PRKDC: variants seen among roughly 807,000 people sequenced by gnomAD.
PRKDC encodes the protein protein kinase, DNA-activated, catalytic subunit, also known as DNA-dependent protein kinase catalytic subunit.
PRKDC carries 82 observed loss-of-function variants against 486.9 expected under a neutral mutation model. That is an observed-to-expected ratio of 0.17 (90% CI 0.14 to 0.20). PRKDC has a LOEUF of 0.20. Among genes scored for constraint, PRKDC ranks in the 10% least tolerant of loss-of-function variants. The pLI is 1.00. For missense variants in PRKDC, 4,504 were observed against 5,038.2 expected (o/e 0.89, Z 3.21); for synonymous variants, 1,895 against 1,837.0 (o/e 1.03, Z -0.81).
intron 56 of PRKDC, 72 bp from the exon 57 acceptor site, chr8:47,837,491 T>C (rs2088053557): frequency 1.6e-6 from 2 of 1,236,096 alleles, no homozygotes; most frequent in Non-Finnish European, 1.1e-6. Flanking sequence ...GTACAGGGTG[T>C]CCTGTGGAGA....
chr8:47,879,341 G>C lies in PRKDC; in HGVS notation c.5235+150C>G. On this transcript the variant is annotated intron_variant, in intron 39 of 85. Coordinates refer to ENST00000314191, the MANE Select transcript of PRKDC (RefSeq NM_006904.7). ...ACCCTAGTAAAAATGTACTGTACAAGCTTTGTGTAGAAAGAACATTTTGAA... is the reference window on the plus strand; with the variant it reads ...ACCCTAGTAAAAATGTACTGTACAACCTTTGTGTAGAAAGAACATTTTGAA... 5 of 686,904 alleles carry C rather than the reference G, an allele frequency of 7.3e-6. 1 individual carries two copies. In the South Asian group the frequency reaches 1.1e-4, roughly 16 times the overall value. The allele number at this position is 686,904 out of a possible 1,614,324, so 42.6% of individuals were successfully genotyped here.
intron 59 of PRKDC, among the ~76,000 whole-genome samples, chr8:47,832,405 G>A (rs543798290): frequency 1.2e-4 from 18 of 152,316 alleles, no homozygotes; most frequent in African/African-American, 4.3e-4. Flanking sequence ...TCTAAGGAAA[G>A]TTTCAAATAT....
chr8:47,911,794 G>A (rs1220163134), intron 25 of PRKDC, among the ~76,000 whole-genome samples: 3 of 150,878 alleles, frequency 2.0e-5, no homozygotes, highest in Non-Finnish European at 4.4e-5. Flanking sequence ...TTTTGAGAAT[G>A]AGTCTCACTC....
At chr8:47,880,291 T>G (rs1267747843) in intron 38 of PRKDC, among the ~76,000 whole-genome samples, 1 of 152,208 alleles carries the variant, frequency 6.6e-6, no homozygotes, top group Non-Finnish European at 1.5e-5. Context: ...GTACAAGCTT[T>G]GTGTAGAAAG....
intron 4 of PRKDC, among the ~76,000 whole-genome samples, chr8:47,955,608 G>C (rs2090688878): frequency 6.6e-6 from 1 of 151,524 alleles, no homozygotes; most frequent in Non-Finnish European, 1.5e-5. Context: ...GGTGATAAAT[G>C]AAAGAGCAAT....
intron 80 of PRKDC, among the ~76,000 whole-genome samples, chr8:47,781,933 T>G (rs957209959): frequency 6.6e-6 from 1 of 152,256 alleles, no homozygotes; most frequent in African/African-American, 2.4e-5. Context: ...TTTATTTCCT[T>G]CAACAATTTT....
chr8:47,845,049 T>C (rs1478659407), intron 54 of PRKDC, among the ~76,000 whole-genome samples: 1 of 152,070 alleles, frequency 6.6e-6, no homozygotes, highest in Non-Finnish European at 1.5e-5. Context: ...ACCCTGTCTC[T>C]ACTTAAAATA....
Position 47,857,304 on chromosome 8 carries a change from A to G in PRKDC, c.6466-5T>C, listed in dbSNP as rs766462951. On this transcript the variant is annotated splice_region_variant and splice_polypyrimidine_tract_variant and intron_variant, in intron 48 of 85. Coordinates refer to ENST00000314191, the MANE Select transcript of PRKDC (RefSeq NM_006904.7). ...CTTCGCGTAAGGGCGAAAGACCTAC[A>G]AGAGGATGTAAAAGTCAAACATCAA... is the stretch of plus-strand genomic sequence containing the variant. 6 of 1,601,244 alleles carry G rather than the reference A, an allele frequency of 3.7e-6. No homozygotes were observed. Among genetic ancestry groups the G allele is most frequent in the Non-Finnish European group, 5.1e-6 (6 of 1,175,270 alleles).
At chr8:47,923,300 G>A (rs1461695088) in intron 21 of PRKDC, among the ~76,000 whole-genome samples, 1 of 152,032 alleles carries the variant, frequency 6.6e-6, no homozygotes, top group Non-Finnish European at 1.5e-5. Flanking sequence ...CCTGACCTCA[G>A]GTGATCCACC....
intron 68 of PRKDC, among the ~76,000 whole-genome samples, chr8:47,814,144 G>C (rs1013095357): frequency 3.9e-5 from 6 of 152,140 alleles, no homozygotes; most frequent in Admixed American, 3.9e-4. Context: ...TTAAGCTGTT[G>C]CAGAAAAAGT....
chr8:47,874,251 T>C (rs2089036437), intron 40 of PRKDC, among the ~76,000 whole-genome samples: 1 of 151,982 alleles, frequency 6.6e-6, no homozygotes, highest in African/African-American at 2.4e-5. Flanking sequence ...GCCTAGCCAA[T>C]ATTTTACATT....
At chr8:47,884,033 T>G (rs1351093417) in intron 36 of PRKDC, among the ~76,000 whole-genome samples, 1 of 152,282 alleles carries the variant, frequency 6.6e-6, no homozygotes, top group East Asian at 1.9e-4. Flanking sequence ...CAAGGGCAGA[T>G]GCTGAACTGA....
At chr8:47,800,627 TA>T in intron 71 of PRKDC, among the ~76,000 whole-genome samples, 165 bp downstream of exon 71, 1 of 151,892 alleles carries the variant, frequency 6.6e-6, no homozygotes, top group East Asian at 1.9e-4. Flanking sequence ...AGAAAATAAA[TA>T]AATAAAAACA....
chr8:47,783,597 A>T, intron 78 of PRKDC, 145 bp downstream of exon 78: 2 of 828,246 alleles, frequency 2.4e-6, no homozygotes, highest in Non-Finnish European at 3.8e-6. Flanking sequence ...CTCAAAAAAA[A>T]AAAGAGGAAT....
intron 31 of PRKDC, 68 bp from the exon 32 acceptor site, chr8:47,890,548 T>G (rs1375512052): frequency 8.5e-6 from 11 of 1,288,112 alleles, no homozygotes; most frequent in African/African-American, 1.5e-5. Flanking sequence ...AACATAAAAT[T>G]GCTTCTGTAA....
In PRKDC at chr8:47,904,617, C is replaced by G. The variant is rs139020635; in HGVS notation, c.3042+252G>C. On this transcript the variant is annotated intron_variant, in intron 26 of 85. Coordinates refer to ENST00000314191, the MANE Select transcript of PRKDC (RefSeq NM_006904.7). ...GACCAGCCTGGCCAACAAAGTGAAA[C>G]GCTGTCTCTGATTGAAATACAAAAA... 1.4e-4 allele frequency among the ~76,000 whole-genome samples: 21 copies of G among 152,254 alleles called. No individual in the cohort carries two copies. The East Asian group carries it at 4.1e-3, about 29-fold the overall frequency.
At chr8:47,953,768 C>G in intron 6 of PRKDC, 39 bp downstream of exon 6, 1 of 1,579,904 alleles carries the variant, frequency 6.3e-7, no homozygotes, top group Admixed American at 1.8e-5. Context: ...AAAACACAAC[C>G]ACATCTATGG....
chr8:47,955,180 G>C (rs2154504634), intron 4 of PRKDC, among the ~76,000 whole-genome samples: 1 of 148,270 alleles, frequency 6.7e-6, no homozygotes, highest in East Asian at 2.0e-4. Flanking sequence ...GAAAACATAT[G>C]GGCCGGGCGC....
chr8:47,836,273 T>G (rs2088019563), intron 58 of PRKDC, 65 bp downstream of exon 58: 1 of 1,372,672 alleles, frequency 7.3e-7, no homozygotes, highest in African/African-American at 1.4e-5. Context: ...AACACTGTTG[T>G]GACAGAAGCT....
Sources: gnomAD v4.1 joint callset for allele counts (sites outside exome capture counted in the v4.1 genomes callset) on GRCh38, gnomAD v4.1.1 for gene constraint, MANE v1.5 for transcripts, NCBI Gene and HGNC (gene_info 2026-07-23, HGNC 2026-07-21) for gene names.